The following CHD9 variants were observed in gnomAD, a reference collection of about 807,000 sequenced individuals.
CHD9 encodes the protein chromodomain helicase DNA binding protein 9, also known as ATP-dependent chromatin remodeler CHD9.
CHD9 carries 77 observed loss-of-function variants against 316.1 expected under a neutral mutation model. The ratio of observed to expected loss-of-function variants is 0.24; its 90% CI spans 0.20 to 0.29. CHD9 has a LOEUF of 0.29. Ranked by LOEUF, CHD9 falls within the 10% of genes least tolerant of loss-of-function variation. The probability of loss-of-function intolerance (pLI) is 1.00; values close to 1 mark genes in which losing one functional copy is unlikely to be tolerated. For missense variants in CHD9, 2,763 were observed against 3,438.1 expected (o/e 0.80, Z 4.91); for synonymous variants, 1,129 against 1,158.3 (o/e 0.97, Z 0.51).
intron 2 of CHD9, among the ~76,000 whole-genome samples, chr16:53,160,039 G>A (rs2041802612): frequency 6.6e-6 from 1 of 152,098 alleles, no homozygotes; most frequent in Non-Finnish European, 1.5e-5. Context: ...CATGAGTTGA[G>A]TATTGTGATT....
intron 37 of CHD9, chr16:53,321,144 T>G (rs1372233893): frequency 8.4e-6 from 8 of 946,834 alleles, no homozygotes; most frequent in Non-Finnish European, 1.2e-5. Context: ...GAAGTATTAT[T>G]GTTATCCCCA....
rs567338570 is a variant in CHD9 at position 53,190,172 on chromosome 16, A to G, written c.1453-19310A>G. 2.2e-4 allele frequency among the ~76,000 whole-genome samples: 34 copies of G among 152,296 alleles called. No homozygotes were observed. The Middle Eastern group carries it at 0.01, about 46-fold the overall frequency. ...TAAATCTCTCTATTTGTAAGATTAT[A>G]GCAGTTTACAATATGGCTTTCTTTC... On this transcript the variant is annotated intron_variant, in intron 2 of 38. Coordinates refer to ENST00000447540, the MANE Select transcript of CHD9 (RefSeq NM_001308319.2).
intron 22 of CHD9, among the ~76,000 whole-genome samples, chr16:53,271,678 C>T (rs1369021441): frequency 6.6e-6 from 1 of 151,866 alleles, no homozygotes; most frequent in Admixed American, 6.6e-5. Context: ...TCATTAATAT[C>T]TTCAAAGATA....
intron 7 of CHD9, chr16:53,227,839 A>C (rs1372714130): frequency 5.9e-6 from 1 of 168,940 alleles, no homozygotes; most frequent in African/African-American, 2.4e-5. Flanking sequence ...TATTCCCAGC[A>C]CTTTGGGAGG....
At chr16:53,221,250 C>T (rs1216176022) in intron 3 of CHD9, among the ~76,000 whole-genome samples, 1 of 152,174 alleles carries the variant, frequency 6.6e-6, no homozygotes, top group East Asian at 1.9e-4. Context: ...TCCCTATTTT[C>T]CAGGCAAGGA....
intron 29 of CHD9, among the ~76,000 whole-genome samples, chr16:53,295,502 A>ATT (rs1455512596): frequency 6.6e-6 from 1 of 152,238 alleles, no homozygotes; most frequent in African/African-American, 2.4e-5. Flanking sequence ...TTATCTAAGT[A>ATT]AACTACTCGT....
intron 22 of CHD9, among the ~76,000 whole-genome samples, chr16:53,270,941 A>T (rs2052196728): frequency 6.6e-6 from 1 of 152,140 alleles, no homozygotes; most frequent in Non-Finnish European, 1.5e-5. Flanking sequence ...ATGAAAACTG[A>T]CTCAAAATTT....
intron 2 of CHD9, among the ~76,000 whole-genome samples, chr16:53,190,723 C>T (rs2044409616): frequency 6.6e-6 from 1 of 151,924 alleles, no homozygotes; most frequent in South Asian, 2.1e-4. Flanking sequence ...TTTTTTGTAC[C>T]TCTATGTAAT....
intron 3 of CHD9, among the ~76,000 whole-genome samples, chr16:53,218,766 A>G (rs1042391769): frequency 3.7e-4 from 57 of 152,216 alleles, no homozygotes; most frequent in African/African-American, 1.4e-3. Flanking sequence ...GGGTATTAAT[A>G]GGCCATGATT....
At chr16:53,165,526 ATAATTT>A (rs1312954578) in intron 2 of CHD9, among the ~76,000 whole-genome samples, 1 of 152,182 alleles carries the variant, frequency 6.6e-6, no homozygotes, top group Non-Finnish European at 1.5e-5. Context: ...CAAGATGAAA[ATAATTT>A]TAAAGGGAGG....
In CHD9 at chr16:53,306,136, A is replaced by G. The variant is rs953578472; in HGVS notation, c.6620-101A>G. ...TTTATCATTTGTTTTTACTTCTAAC[A>G]TTTTCATTTTCAGGTGTTTCTGAAT... is the stretch of plus-strand genomic sequence containing the variant. On this transcript the variant is annotated intron_variant, in intron 31 of 38. Transcript: ENST00000447540. 8 of 643,700 alleles carry G rather than the reference A, an allele frequency of 1.2e-5. No homozygotes were observed. In the African/African-American group the frequency reaches 1.3e-4, roughly 11 times the overall value. 39.9% of individuals were successfully genotyped at this position (643,700 alleles called of 1,614,324 possible).
chr16:53,315,162 G>A, intron 36 of CHD9, 118 bp downstream of exon 36: 5 of 685,556 alleles, frequency 7.3e-6, no homozygotes, highest in Admixed American at 5.9e-5. Context: ...TAAGACCTAG[G>A]AGAATTAGCA....
intron 3 of CHD9, among the ~76,000 whole-genome samples, chr16:53,219,381 A>T (rs1178610413): frequency 6.6e-6 from 1 of 152,198 alleles, no homozygotes. Flanking sequence ...AAAAGATTAA[A>T]TTAAATCTCT....
rs966656170 is a variant in CHD9 at position 53,326,402 on chromosome 16, T to G, written c.*1507T>G. 4.6e-5 allele frequency: 7 copies of G among 152,620 alleles called. No homozygotes were observed. The highest frequency in any genetic ancestry group is 1.7e-4 in the African/African-American group (7 of 41,566). The allele number at this position is 152,620 out of a possible 1,614,324, so 9.5% of individuals were successfully genotyped here. On this transcript the variant is annotated 3_prime_UTR_variant, in exon 39 of 39. Transcript: ENST00000447540. ...CTACAGAAAAAATACTTTCAGTATG[T>G]TTTGATAAAACTGTTGCTTTGTCAT...
intron 2 of CHD9, among the ~76,000 whole-genome samples, chr16:53,193,631 G>A (rs2044657661): frequency 6.6e-6 from 1 of 152,112 alleles, no homozygotes; most frequent in Non-Finnish European, 1.5e-5. Context: ...TTTAAAAATT[G>A]GAGTCTTTGT....
At chr16:53,204,770 G>T (rs1285901312) in intron 2 of CHD9, among the ~76,000 whole-genome samples, 3 of 151,688 alleles carry the variant, frequency 2.0e-5, no homozygotes, top group East Asian at 3.9e-4. Flanking sequence ...TGTACTATAG[G>T]TTTTCTTTTT....
chr16:53,105,442 G>T (rs997027187), intron 1 of CHD9, among the ~76,000 whole-genome samples: 60 of 152,022 alleles, frequency 3.9e-4, no homozygotes, highest in Admixed American at 3.9e-3. Flanking sequence ...TATTCTATTA[G>T]TAATTTATTT....
At chr16:53,283,729 A>G (rs1253819948) in intron 24 of CHD9, among the ~76,000 whole-genome samples, 2 of 152,148 alleles carry the variant, frequency 1.3e-5, no homozygotes, top group African/African-American at 4.8e-5. Context: ...CAAGAAAATT[A>G]TTCCTCCTTT....
intron 1 of CHD9, among the ~76,000 whole-genome samples, chr16:53,124,573 G>A (rs939297675): frequency 6.7e-6 from 1 of 149,526 alleles, no homozygotes; most frequent in Admixed American, 6.8e-5. Flanking sequence ...CTGCCTCCTG[G>A]TTTCAAGCAA....
Sources: gnomAD v4.1 joint callset for allele counts (sites outside exome capture counted in the v4.1 genomes callset) on GRCh38, gnomAD v4.1.1 for gene constraint, MANE v1.5 for transcripts, NCBI Gene and HGNC (gene_info 2026-07-23, HGNC 2026-07-21) for gene names.